Variants in SLC4A9 observed in about 807,000 individuals in gnomAD.
SLC4A9 encodes the protein solute carrier family 4 member 9.
Under a neutral mutation model 103.2 loss-of-function variants are expected in SLC4A9, and 102 were observed. That is an observed-to-expected ratio of 0.99 (90% CI 0.84 to 1.17). The LOEUF (loss-of-function observed/expected upper bound fraction) is 1.17, where lower values mean the gene tolerates loss of function less well. SLC4A9 is among the 50% of genes most tolerant of loss of function. The pLI is 0.00. For synonymous variants in SLC4A9, 453 were observed against 483.6 expected, an observed-to-expected ratio of 0.94 and a Z score of 0.83; for missense variants, 1,091 against 1,193.7, an observed-to-expected ratio of 0.91 and a Z score of 1.27.
Position 140,363,840 on chromosome 5 carries a change from G to A in SLC4A9, c.1192G>A (p.Ala398Thr). 2 of 1,613,992 alleles carry A rather than the reference G, an allele frequency of 1.2e-6. No homozygotes were observed. Among genetic ancestry groups the A allele is most frequent in the Non-Finnish European group, 8.5e-7 (1 of 1,179,872 alleles). The change falls in exon 9 of 22, where the codon GCC (alanine) becomes ACC (threonine). Residue 398 changes from alanine (A) to threonine (T), a missense_variant. By Grantham distance (58) the Ala-to-Thr change is moderately conservative. Coordinates refer to ENST00000506757, the MANE Select transcript of SLC4A9 (RefSeq NM_031467.3). The surrounding 1 kb of genome is among the most constrained non-coding windows in gnomAD (Gnocchi z 4.5). ...CTCGGCCGTACTCTACATTTACCTG[G>A]CCACTGTCACTAATGCCATCACTTT... ...CFSAVLYIYL[A>T]TVTNAITFGG...
intron 2 of SLC4A9, 59 bp downstream of exon 2, chr5:140,361,031 C>T: frequency 2.1e-6 from 3 of 1,456,152 alleles, no homozygotes; most frequent in Non-Finnish European, 2.8e-6. Flanking sequence ...CCCAGGATTT[C>T]CCCTCCAAAG....
Position 140,364,114 on chromosome 5 carries a change from G to T in SLC4A9, c.1315G>T (p.Gly439Cys). Reference protein sequence around the residue: ...VAGAAFCLMAGQPLTILSSTG... With the variant: ...VAGAAFCLMACQPLTILSSTG... The stretch of plus-strand genomic sequence containing the variant: ...TGGAGCTGCCTTCTGCCTGATGGCA[G>T]GCCAGCCCCTCACCATTCTGAGCAG... The change falls in exon 10 of 22, where the codon GGC becomes TGC. Residue 439 changes from glycine (G) to cysteine (C), a missense_variant. Gly to Cys is a radical substitution (Grantham distance 159). Transcript: ENST00000506757. 6.3e-7 allele frequency: 1 copy of T among 1,591,766 alleles called. No homozygotes were observed.
intron 14 of SLC4A9, among the ~76,000 whole-genome samples, chr5:140,366,766 G>C (rs975036822): frequency 1.3e-5 from 2 of 152,166 alleles, no homozygotes; most frequent in Non-Finnish European, 2.9e-5. Flanking sequence ...CCCTTGGCGT[G>C]GCCCTGCCCA....
intron 17 of SLC4A9, among the ~76,000 whole-genome samples, chr5:140,370,441 G>C (rs1478338652): frequency 6.6e-6 from 1 of 151,104 alleles, no homozygotes; most frequent in African/African-American, 2.4e-5. Context: ...CTCCAGTCTG[G>C]GTGGAAGAAC....
At position 140,367,476 on chromosome 5, in the gene SLC4A9, G is replaced by A; in HGVS notation, c.2070G>A (p.Trp690Ter). ...LVSPFGANPW[W>*]WSVAAALPAL... The stretch of plus-strand genomic sequence containing the variant: ...CACCTTTTGGAGCCAACCCCTGGTG[G>A]TGGAGTGTGGCAGCTGCCCTGCCTG... Residue 690 changes from tryptophan to a stop codon, truncating the protein, a stop_gained, in exon 15 of 22, where the codon TGG (tryptophan) becomes TGA (stop). Coordinates refer to ENST00000506757, the MANE Select transcript of SLC4A9 (RefSeq NM_031467.3). LOFTEE classifies it high-confidence loss of function. The A allele has an allele frequency of 1.2e-6, 2 of 1,608,560 alleles. No homozygotes were observed. Among genetic ancestry groups the A allele is most frequent in the Admixed American group, 1.7e-5 (1 of 59,200 alleles).
rs774124336 is a variant in SLC4A9 at position 140,367,710 on chromosome 5, C to A, written c.2176-10C>A. The A allele has an allele frequency of 8.7e-6, 14 of 1,613,666 alleles. No individual in the cohort carries two copies. In the African/African-American group the frequency reaches 1.6e-4, roughly 18 times the overall value. ...AGCTTCATCCTCATTGCCCCCACCA[C>A]TACCTGCAGAAGGGAGCTGGCTTCC... is the stretch of plus-strand genomic sequence containing the variant. On this transcript the variant is annotated splice_polypyrimidine_tract_variant and intron_variant, in intron 15 of 21. Coordinates refer to ENST00000506757, the MANE Select transcript of SLC4A9 (RefSeq NM_031467.3).
intron 1 of SLC4A9, 130 bp downstream of exon 1, chr5:140,360,596 G>T: frequency 8.8e-7 from 1 of 1,134,904 alleles, no homozygotes; most frequent in Non-Finnish European, 1.3e-6. Flanking sequence ...CCTTATTTCA[G>T]GGTCTTACCT....
At chr5:140,361,409 G>A (rs1410600053) in intron 3 of SLC4A9, 42 bp downstream of exon 3, 47 of 1,475,678 alleles carry the variant, frequency 3.2e-5, no homozygotes, top group Non-Finnish European at 4.3e-5. Flanking sequence ...ACCCTGGTGT[G>A]GCAGGGTCTC....
chr5:140,373,210 C>A (rs574744501), intron 21 of SLC4A9, among the ~76,000 whole-genome samples: 8 of 152,162 alleles, frequency 5.3e-5, no homozygotes, highest in African/African-American at 7.2e-5. Flanking sequence ...AAGGCTCCCC[C>A]CTTAGGCTGC....
At chr5:140,371,194 A>C in intron 18 of SLC4A9, 31 bp downstream of exon 18, 1 of 1,587,284 alleles carries the variant, frequency 6.3e-7, no homozygotes, top group Non-Finnish European at 8.6e-7. Flanking sequence ...TAACAAAAGA[A>C]AAAAGAAGAA....
chr5:140,369,742 C>G (rs988748833), intron 17 of SLC4A9, among the ~76,000 whole-genome samples: 1 of 152,150 alleles, frequency 6.6e-6, no homozygotes, highest in Admixed American at 6.5e-5. Flanking sequence ...TGGCTCACAC[C>G]TGTAATCCCA....
At position 140,361,663 on chromosome 5, in the gene SLC4A9, T is replaced by C. The variant is rs888327201; in HGVS notation, c.506-145T>C. The stretch of plus-strand genomic sequence containing the variant: ...AAATAGTACCACAATTATCCCCATT[T>C]TAGTGGTGAGAAAACTGTGGCTCAG... On this transcript the variant is annotated intron_variant, in intron 3 of 21. Transcript: ENST00000506757. 4.7e-5 allele frequency: 41 copies of C among 867,888 alleles called. No individual in the cohort carries two copies. In the African/African-American group the frequency reaches 6.5e-4, roughly 14 times the overall value. 53.8% of individuals were successfully genotyped at this position (867,888 alleles called of 1,614,324 possible).
rs772252926 is a variant in SLC4A9 at position 140,371,432 on chromosome 5, C to T, written c.2497-19C>T. On this transcript the variant is annotated intron_variant, in intron 18 of 21. Transcript: ENST00000506757. ...GGCTACCTGAGTGCCCTGCTTTCCT[C>T]TTCCTCTTGTTCCCCTAGTTCACTA... is the stretch of plus-strand genomic sequence containing the variant. The T allele has an allele frequency of 5.6e-6, 9 of 1,613,616 alleles. No homozygotes were observed. The highest frequency in any genetic ancestry group is 7.6e-6 in the Non-Finnish European group (9 of 1,179,664).
chr5:140,371,188 A>G lies in SLC4A9; in HGVS notation c.2496+25A>G, dbSNP rs1473959153. On this transcript the variant is annotated intron_variant, in intron 18 of 21. Coordinates refer to ENST00000506757, the MANE Select transcript of SLC4A9 (RefSeq NM_031467.3). The stretch of plus-strand genomic sequence containing the variant: ...GGTGAGCCCATTAAAATCACCTAAC[A>G]AAAGAAAAAAGAAGAATAAAAAGAC... The G allele has an allele frequency of 1.9e-6, 3 of 1,589,566 alleles. No homozygotes were observed. The African/African-American group carries it at 4.0e-5, about 21-fold the overall frequency.
In SLC4A9 at chr5:140,363,780, A is replaced by G. The variant is rs1157294772; in HGVS notation, c.1132A>G (p.Ser378Gly). ...DVRRKVPWYP[S>G]DFLDALHLQC... ...GCGCAGGAAGGTCCCGTGGTACCCC[A>G]GCGATTTCTTGGACGCCCTGCATCT... The change falls in exon 9 of 22, where the codon AGC becomes GGC. Residue 378 changes from serine to glycine, a missense_variant. By Grantham distance (56) the Ser-to-Gly change is moderately conservative. Coordinates refer to ENST00000506757, the MANE Select transcript of SLC4A9 (RefSeq NM_031467.3). The surrounding 1 kb of genome is among the most constrained non-coding windows in gnomAD (Gnocchi z 4.5). The G allele has an allele frequency of 3.7e-6, 6 of 1,613,796 alleles. No homozygotes were observed. The highest frequency in any genetic ancestry group is 5.1e-6 in the Non-Finnish European group (6 of 1,179,858).
chr5:140,372,129 A>G (rs144715467), intron 19 of SLC4A9, 113 bp from the exon 20 acceptor site: 11 of 952,930 alleles, frequency 1.2e-5, no homozygotes, highest in Non-Finnish European at 1.5e-5. Context: ...GCTAGCATTC[A>G]GTGAAACTGA....
Position 140,366,163 on chromosome 5 carries a change from C to T in SLC4A9, c.1912C>T (p.Leu638Phe). 6.2e-7 allele frequency: 1 copy of T among 1,613,432 alleles called. No individual in the cohort carries two copies. Among genetic ancestry groups the T allele is most frequent in the Non-Finnish European group, 8.5e-7 (1 of 1,179,582 alleles). ...RFFPSVVRKG[L>F]SDFSSVLAIL... ...CACTGTGTGCCAGGTGCGCAAAGGG[C>T]TCAGCGACTTCTCCTCAGTCCTGGC... Residue 638 changes from leucine (L) to phenylalanine (F), a missense_variant, in exon 14 of 22, where the codon CTC (leucine) becomes TTC (phenylalanine). Transcript: ENST00000506757.
At chr5:140,367,631 G>A in intron 15 of SLC4A9, 50 bp downstream of exon 15, 1 of 1,600,156 alleles carries the variant, frequency 6.2e-7, no homozygotes, top group Non-Finnish European at 8.5e-7. Context: ...AGCTCCAGGG[G>A]AGTCTACGCT....
rs1231687854 is a variant in SLC4A9 at position 140,366,098 on chromosome 5, G to A, written c.1900-53G>A. ...TCCTATCTGTGATGGGAAGTGGTGT[G>A]GAAAAAGAGAGATGGCAGGCCTGGA... On this transcript the variant is annotated intron_variant, in intron 13 of 21. Transcript: ENST00000506757. The A allele has an allele frequency of 1.9e-6, 3 of 1,607,802 alleles. No homozygotes were observed. In the African/African-American group the frequency reaches 4.0e-5, roughly 22 times the overall value.
Sources: allele counts gnomAD v4.1 joint callset (sites outside exome capture counted in the v4.1 genomes callset), GRCh38; gene constraint gnomAD v4.1.1; non-coding constraint Gnocchi (gnomAD v3.1); transcripts MANE v1.5; gene names NCBI Gene and HGNC (gene_info 2026-07-23, HGNC 2026-07-21).